Variants in NEBL observed in about 807,000 individuals in gnomAD.
The protein encoded by NEBL is nebulette, also known as LIM and SH3 protein 2.
NEBL carries 122 observed loss-of-function variants against 140.2 expected under a neutral mutation model. That is an observed-to-expected ratio of 0.87 (90% CI 0.75 to 1.01). The LOEUF is 1.01. Ranked by LOEUF, NEBL falls within the 50% of genes least tolerant of loss-of-function variation. The pLI, the probability that NEBL is intolerant of heterozygous loss-of-function variation, is 0.00. For synonymous variants in NEBL, 436 were observed against 398.9 expected, an observed-to-expected ratio of 1.09 and a Z score of -1.11; for missense variants, 1,365 against 1,231.3, an observed-to-expected ratio of 1.11 and a Z score of -1.62.
intron 4 of NEBL, among the ~76,000 whole-genome samples, chr10:20,933,550 A>G (rs1482435575): frequency 1.3e-5 from 2 of 152,108 alleles, no homozygotes; most frequent in East Asian, 1.9e-4. Flanking sequence ...CCTGGCCAAC[A>G]TGGCTAAACC....
chr10:21,139,023 T>C (rs1839491269), intron 2 of NEBL, among the ~76,000 whole-genome samples: 1 of 152,224 alleles, frequency 6.6e-6, no homozygotes, highest in Admixed American at 6.5e-5. Flanking sequence ...ATTGTTCATT[T>C]GTAATTTAGC....
intron 3 of NEBL, among the ~76,000 whole-genome samples, chr10:21,214,493 T>G (rs116589940): frequency 6.7e-6 from 1 of 150,208 alleles, no homozygotes; most frequent in Non-Finnish European, 1.5e-5. Context: ...ACGCGCACAT[T>G]ACACACATGC....
chr10:20,970,543 G>T (rs1290600184), intron 3 of NEBL, among the ~76,000 whole-genome samples: 1 of 152,038 alleles, frequency 6.6e-6, no homozygotes, highest in Non-Finnish European at 1.5e-5. Flanking sequence ...CTACTCAGGA[G>T]GCCTCTGAGG....
intron 2 of NEBL, among the ~76,000 whole-genome samples, chr10:21,121,861 G>T (rs1352182282): frequency 1.9e-4 from 29 of 152,172 alleles, no homozygotes; most frequent in Admixed American, 1.9e-3. Flanking sequence ...ATTTGAAGAT[G>T]CAAATTCCTT....
rs372326709 is a variant in NEBL at position 21,233,970 on chromosome 10, C to A, written n.348+13951G>T. ...TGGATGTGCGTTAGTATAGATGCAT[C>A]CTTCCTAAATTATAAGTAGTATAAT... On this transcript the variant is annotated intron_variant and non_coding_transcript_variant, in intron 3 of 8. Coordinates refer to the NEBL transcript ENST00000675702. Among the ~76,000 whole-genome samples, 30 of 140,848 alleles carry A rather than the reference C, an allele frequency of 2.1e-4. No homozygotes were observed. The East Asian group carries it at 3.9e-3, about 18-fold the overall frequency. The allele number at this position is 140,848 out of a possible 152,430, so 92.4% of individuals were successfully genotyped here. A position where few individuals can be genotyped will look rare whatever the true frequency, so the allele number is the denominator to read the frequency against.
chr10:20,859,569 C>G, intron 8 of NEBL, 144 bp downstream of exon 8: 2 of 584,288 alleles, frequency 3.4e-6, no homozygotes. Flanking sequence ...ATATATTTTT[C>G]TCAGAAAAAG....
intron 2 of NEBL, among the ~76,000 whole-genome samples, chr10:21,085,543 G>A (rs1181872611): frequency 2.0e-5 from 3 of 152,158 alleles, no homozygotes; most frequent in South Asian, 2.1e-4. Context: ...ACTGAGGCTG[G>A]AGGATCATTT....
intron 26 of NEBL, among the ~76,000 whole-genome samples, chr10:20,806,445 A>AT (rs1169073781): frequency 6.6e-6 from 1 of 152,022 alleles, no homozygotes; most frequent in African/African-American, 2.4e-5. Context: ...TATCAGAAAC[A>AT]TTTTTCTCCC....
intron 18 of NEBL, among the ~76,000 whole-genome samples, chr10:20,823,506 T>G (rs1839551176): frequency 6.6e-6 from 1 of 152,176 alleles, no homozygotes; most frequent in Non-Finnish European, 1.5e-5. Context: ...ATCTATTCAC[T>G]TATTCATCAC....
rs10764300 is a variant in NEBL, at chr10:21,016,709, T to C, written c.249+3408A>G. ...AAACAAGCCTATAAAATATTAATAG[T>C]CAATTTTCCACCAAAACCAGTGAGC... is the stretch of plus-strand genomic sequence containing the variant. On this transcript the variant is annotated intron_variant, in intron 3 of 6. Transcript: ENST00000417816. Among the ~76,000 whole-genome samples the C allele has an allele frequency of 0.051, 7,814 of 152,230 alleles. 1,004 individuals carry two copies. The East Asian group carries it at 0.54, about 11-fold the overall frequency.
chr10:21,211,950 G>A (rs1160973625), intron 3 of NEBL, among the ~76,000 whole-genome samples: 8 of 152,034 alleles, frequency 5.3e-5, no homozygotes, highest in Admixed American at 5.2e-4. Flanking sequence ...TTGCTCTTAT[G>A]TAATGCTAGT....
At chr10:21,240,543 T>C (rs1333261884) in intron 3 of NEBL, among the ~76,000 whole-genome samples, 1 of 151,962 alleles carries the variant, frequency 6.6e-6, no homozygotes, top group Non-Finnish European at 1.5e-5. Context: ...CTTGGGAGGC[T>C]GGGGCAGGAG....
intron 4 of NEBL, among the ~76,000 whole-genome samples, chr10:20,912,381 G>A (rs1421872363): frequency 6.6e-6 from 1 of 152,204 alleles, no homozygotes; most frequent in African/African-American, 2.4e-5. Context: ...GAGCCTAGGA[G>A]TTCAGGCTGC....
intron 4 of NEBL, among the ~76,000 whole-genome samples, chr10:20,881,748 C>T (rs1846029240): frequency 6.6e-6 from 1 of 151,958 alleles, no homozygotes; most frequent in Admixed American, 6.6e-5. Flanking sequence ...AACATTTGTT[C>T]AGTGAATGAA....
chr10:20,861,077 T>C (rs1211331379), intron 7 of NEBL, among the ~76,000 whole-genome samples: 1 of 152,220 alleles, frequency 6.6e-6, no homozygotes, highest in Non-Finnish European at 1.5e-5. Flanking sequence ...TATTATTTTG[T>C]GTCTTGAAAT....
At chr10:20,959,075 A>G (rs948925647) in intron 4 of NEBL, among the ~76,000 whole-genome samples, 1 of 152,212 alleles carries the variant, frequency 6.6e-6, no homozygotes, top group Non-Finnish European at 1.5e-5. Flanking sequence ...TCACTGCTTT[A>G]TGTCTTTATA....
chr10:21,095,238 C>A (rs1837131437), intron 2 of NEBL, among the ~76,000 whole-genome samples: 1 of 152,142 alleles, frequency 6.6e-6, no homozygotes, highest in South Asian at 2.1e-4. Flanking sequence ...ACAAAAGTTC[C>A]ATCCAACAGG....
chr10:20,860,583 A>C (rs1843602648), intron 7 of NEBL, among the ~76,000 whole-genome samples: 1 of 150,448 alleles, frequency 6.6e-6, no homozygotes, highest in South Asian at 2.1e-4. Context: ...AAAAAAAAAA[A>C]AAAACCTAGC....
intron 3 of NEBL, among the ~76,000 whole-genome samples, chr10:21,193,605 C>A (rs1841608616): frequency 6.6e-6 from 1 of 152,158 alleles, no homozygotes; most frequent in South Asian, 2.1e-4. Flanking sequence ...AACCACTGAG[C>A]AACAGAAGGA....
Sources: allele counts gnomAD v4.1 joint callset (sites outside exome capture counted in the v4.1 genomes callset), GRCh38; gene constraint gnomAD v4.1.1; transcripts MANE v1.5; gene names NCBI Gene and HGNC (gene_info 2026-07-23, HGNC 2026-07-21).